Variants in LGALS8 observed in about 807,000 individuals in gnomAD.
LGALS8 encodes the protein galectin-8.
A neutral mutation model predicts 35.9 loss-of-function variants in LGALS8; 30 were observed. That is an observed-to-expected ratio of 0.83 (90% CI 0.62 to 1.13). The LOEUF is 1.13. Among genes scored for constraint, LGALS8 ranks in the 50% most tolerant of loss-of-function variants. The pLI, the probability that LGALS8 is intolerant of heterozygous loss-of-function variation, is 0.00. For synonymous variants in LGALS8, 138 were observed against 136.1 expected (o/e 1.01, Z -0.10); for missense variants, 366 against 388.7 (o/e 0.94, Z 0.49).
chr1:236,539,144 G>C (rs564693193), intron 4 of LGALS8, 55 bp downstream of exon 4: 1 of 1,410,638 alleles, frequency 7.1e-7, no homozygotes, highest in Non-Finnish European at 1.0e-6. Context: ...GAGTGCACAG[G>C]GGTGCTTTTC....
rs766994726 is a variant in LGALS8 at position 236,539,056 on chromosome 1, G to C, written c.312G>C (p.Glu104Asp). The stretch of plus-strand genomic sequence containing the variant: ...CTTTCAAAAGAGAAAAGTCTTTTGA[G>C]ATCGTGATTATGGTGCTGAAGGACA... ...DTPFKREKSFEIVIMVLKDKF... is the reference protein window; with the variant it reads ...DTPFKREKSFDIVIMVLKDKF... Residue 104 changes from glutamate (E) to aspartate (D), a missense_variant, in exon 4 of 10, where the codon GAG (glutamate) becomes GAC (aspartate). Transcript: ENST00000366584. 2 of 1,614,104 alleles carry C rather than the reference G, an allele frequency of 1.2e-6. No homozygotes were observed. Among genetic ancestry groups the C allele is most frequent in the East Asian group, 4.5e-5 (2 of 44,890 alleles).
intron 7 of LGALS8, 96 bp downstream of exon 7, chr1:236,542,883 C>T (rs766947721): frequency 1.7e-5 from 28 of 1,614,102 alleles, no homozygotes; most frequent in Non-Finnish European, 2.2e-5. Context: ...TTCATTCATT[C>T]CATTCCTTAC....
intron 2 of LGALS8, among the ~76,000 whole-genome samples, chr1:236,532,570 G>A (rs1410934606): frequency 7.9e-5 from 12 of 152,078 alleles, no homozygotes; most frequent in African/African-American, 2.4e-4. Flanking sequence ...GGCCAGGCGC[G>A]GTGGCTCACA....
chr1:236,540,558 C>G lies in LGALS8; in HGVS notation c.346-6C>G. The G allele has an allele frequency of 1.9e-6, 3 of 1,592,042 alleles. No individual in the cohort carries two copies. The highest frequency in any genetic ancestry group is 2.3e-5 in the East Asian group (1 of 43,986). ...GGGGGGGGCTCTGTCTTCTGTATCT[C>G]TCTAGGTGGCTGTAAATGGAAAACA... On this transcript the variant is annotated splice_region_variant and splice_polypyrimidine_tract_variant and intron_variant, in intron 4 of 9. Coordinates refer to ENST00000366584, the MANE Select transcript of LGALS8 (RefSeq NM_201544.4).
chr1:236,528,908 G>T (rs1330900811), intron 2 of LGALS8, among the ~76,000 whole-genome samples: 2 of 152,218 alleles, frequency 1.3e-5, no homozygotes, highest in South Asian at 2.1e-4. Context: ...ATTGCAACTG[G>T]CCTATGTATT....
At position 236,552,100 on chromosome 1, in the gene LGALS8, A is replaced by T; in HGVS notation, c.*3939A>T. The stretch of plus-strand genomic sequence containing the variant: ...TGCTAACACAGTAATCAAAGCAGCA[A>T]ATCGAACCTGAAAGGGATAAAAGAG... On this transcript the variant is annotated 3_prime_UTR_variant, in exon 10 of 10. Coordinates refer to ENST00000366584, the MANE Select transcript of LGALS8 (RefSeq NM_201544.4). The T allele has an allele frequency of 6.2e-7, 1 of 1,607,514 alleles. No individual in the cohort carries two copies.
chr1:236,552,047 T>C lies in LGALS8; in HGVS notation c.*3886T>C. The C allele has an allele frequency of 6.2e-7, 1 of 1,613,716 alleles. No individual in the cohort carries two copies. The highest frequency in any genetic ancestry group is 8.5e-7 in the Non-Finnish European group (1 of 1,179,782). On this transcript the variant is annotated 3_prime_UTR_variant, in exon 10 of 10. Transcript: ENST00000366584. ...GGAATGGATTCTGGTAGCAAGACAATATAATTCTCCTTTAGTTTTTCAGCC... is the reference window on the plus strand; with the variant it reads ...GGAATGGATTCTGGTAGCAAGACAACATAATTCTCCTTTAGTTTTTCAGCC...
chr1:236,522,794 T>C (rs150499261), upstream of LGALS8, among the ~76,000 whole-genome samples: 44 of 152,294 alleles, frequency 2.9e-4, no homozygotes, highest in African/African-American at 1.0e-3. Context: ...TAAATTCACC[T>C]ATTCAGATTG....
chr1:236,533,672 G>C (rs1010800535), intron 2 of LGALS8, among the ~76,000 whole-genome samples: 43 of 151,598 alleles, frequency 2.8e-4, no homozygotes, highest in African/African-American at 9.9e-4. Context: ...AATTGGTCAG[G>C]GTTTGTAGTT....
intron 3 of LGALS8, among the ~76,000 whole-genome samples, chr1:236,537,922 A>ACCC (rs71748899): frequency 0.52 from 69,694 of 134,128 alleles, 20,492 homozygotes; most frequent in Non-Finnish European, 0.66. Context: ...ACATAGTGAG[A>ACCC]CCCCCCATCT....
At position 236,537,023 on chromosome 1, in the gene LGALS8, T is replaced by TTTTTTTG. The variant is rs1355091769; in HGVS notation, c.46-468_46-467insGTTTTTT. 4.6e-5 allele frequency among the ~76,000 whole-genome samples: 5 copies of TTTTTTTG among 108,920 alleles called. 1 individual carries two copies. Among genetic ancestry groups the TTTTTTTG allele is most frequent in the Non-Finnish European group, 6.9e-5 (4 of 57,956 alleles). 71.5% of individuals were successfully genotyped at this position (108,920 alleles called of 152,430 possible). A position where few individuals can be genotyped will look rare whatever the true frequency, so the allele number is the denominator to read the frequency against. On this transcript the variant is annotated intron_variant, in intron 2 of 9. Coordinates refer to ENST00000366584, the MANE Select transcript of LGALS8 (RefSeq NM_201544.4). ...CCTGGCCATGAGGTATGCAGTTCCT[T>TTTTTTTG]TTTTTTTTTTTGAGACGGAGCCTTG...
chr1:236,547,939 A>G, intron 9 of LGALS8, 73 bp from the exon 10 acceptor site: 1 of 1,302,524 alleles, frequency 7.7e-7, no homozygotes, highest in South Asian at 1.3e-5. Flanking sequence ...TTACTCTGAC[A>G]CCGTTAGCAT....
chr1:236,542,542 AGAT>A, intron 6 of LGALS8: 1 of 594,652 alleles, frequency 1.7e-6, no homozygotes, highest in Non-Finnish European at 3.0e-6. Context: ...TAAAGGACTC[AGAT>A]GAACAGGGAT....
At chr1:236,537,625 G>A in intron 3 of LGALS8, 40 bp downstream of exon 3, 1 of 1,356,758 alleles carries the variant, frequency 7.4e-7, no homozygotes, top group South Asian at 1.2e-5. Context: ...TGAATAGGCT[G>A]TCTTTTTGTG....
intron 2 of LGALS8, among the ~76,000 whole-genome samples, chr1:236,536,009 TCA>T (rs913191160): frequency 2.6e-5 from 4 of 152,142 alleles, no homozygotes; most frequent in Non-Finnish European, 5.9e-5. Context: ...CCCATGCAGC[TCA>T]CAGTCTAGGC....
At chr1:236,538,107 A>AAAAAAAAAAAAG (rs1204081676) in intron 3 of LGALS8, among the ~76,000 whole-genome samples, 2 of 150,818 alleles carry the variant, frequency 1.3e-5, no homozygotes, top group African/African-American at 4.9e-5. Flanking sequence ...AAGAAAAAGA[A>AAAAAAAAAAAAG]AAAGAATTAG....
At chr1:236,523,583 C>T (rs115880018), upstream of LGALS8, 14 of 162,734 alleles carry the variant, frequency 8.6e-5, no homozygotes, top group African/African-American at 3.4e-4. Flanking sequence ...GTCCCAGCCC[C>T]GAGCGCCCTC....
At chr1:236,529,592 AAAG>A (rs1661025921) in intron 2 of LGALS8, among the ~76,000 whole-genome samples, 1 of 150,050 alleles carries the variant, frequency 6.7e-6, no homozygotes. Flanking sequence ...AAAAAAAAAA[AAAG>A]AAAAAAAAAG....
Position 236,525,949 on chromosome 1 carries a change from C to T in LGALS8, c.-103-19C>T. On this transcript the variant is annotated intron_variant, in intron 1 of 9. Transcript: ENST00000366584. ...GCTACATGCTTACTTTTCTTTTCCTCTATTTTTACTTTACACAGGGCCAGT... is the reference window on the plus strand; with the variant it reads ...GCTACATGCTTACTTTTCTTTTCCTTTATTTTTACTTTACACAGGGCCAGT... The T allele has an allele frequency of 1.7e-6, 1 of 594,662 alleles. No homozygotes were observed. Among genetic ancestry groups the T allele is most frequent in the East Asian group, 2.8e-5 (1 of 36,322 alleles). The allele number at this position is 594,662 out of a possible 1,614,324, so 36.8% of individuals were successfully genotyped here. A position where few individuals can be genotyped will look rare whatever the true frequency, so the allele number is the denominator to read the frequency against.
Sources: allele counts gnomAD v4.1 joint callset (sites outside exome capture counted in the v4.1 genomes callset), GRCh38; gene constraint gnomAD v4.1.1; transcripts MANE v1.5; gene names NCBI Gene and HGNC (gene_info 2026-07-23, HGNC 2026-07-21).